IGSF21: variants seen among roughly 807,000 people sequenced by gnomAD.
IGSF21 encodes the protein immunoglobulin superfamily member 21.
In IGSF21, 28 loss-of-function variants were observed where a neutral mutation model predicts 46.8. The observed-to-expected ratio is 0.60, with a 90% CI of 0.44 to 0.82. The LOEUF is 0.82. Ranked by LOEUF, IGSF21 falls within the 40% of genes least tolerant of loss-of-function variation. The pLI is 0.00. For synonymous variants in IGSF21, 284 were observed against 273.6 expected, an observed-to-expected ratio of 1.04 and a Z score of -0.38; for missense variants, 624 against 665.5, an observed-to-expected ratio of 0.94 and a Z score of 0.69.
rs187570108 is a variant in IGSF21, at chr1:18,327,785, T to C, written c.306-7107T>C. The stretch of plus-strand genomic sequence containing the variant: ...AGGAGCTTTTTGGGAGAGATGAGTA[T>C]GTTCATTATCTTGATTGTGGCAATG... On this transcript the variant is annotated intron_variant, in intron 3 of 9. Transcript: ENST00000251296. Among the ~76,000 whole-genome samples the C allele has an allele frequency of 7.2e-5, 11 of 152,300 alleles. No homozygotes were observed. The East Asian group carries it at 1.9e-3, about 27-fold the overall frequency.
chr1:18,377,428 A>G lies in IGSF21; in HGVS notation c.1330A>G (p.Asn444Asp). Residue 444 changes from asparagine to aspartate, a missense_variant, in exon 9 of 10, where the codon AAT becomes GAT. Physicochemically the swap from Asn to Asp is conservative, Grantham distance 23. Transcript: ENST00000251296. ...PNIPRGTEDS[N>D]GSIGPTGARL... ...TATCCCAAGAGGAACGGAGGACTCT[A>G]ATGGTAAGTCTCTACCCTCAGGATT... 6.2e-7 allele frequency: 1 copy of G among 1,613,130 alleles called. No individual in the cohort carries two copies. The highest frequency in any genetic ancestry group is 8.5e-7 in the Non-Finnish European group (1 of 1,179,054).
chr1:18,198,997 C>G (rs1306411832), intron 1 of IGSF21, among the ~76,000 whole-genome samples: 2 of 152,018 alleles, frequency 1.3e-5, no homozygotes, highest in Non-Finnish European at 2.9e-5. Flanking sequence ...GACTCTCTGT[C>G]TTTCTCCCCT....
At chr1:18,236,485 G>A (rs2084674136) in intron 2 of IGSF21, among the ~76,000 whole-genome samples, 1 of 152,236 alleles carries the variant, frequency 6.6e-6, no homozygotes, top group Admixed American at 6.5e-5. Flanking sequence ...AGCACTCTCT[G>A]TTGGCTATGT....
chr1:18,243,763 AG>A (rs1160452577), intron 2 of IGSF21, among the ~76,000 whole-genome samples: 1 of 152,178 alleles, frequency 6.6e-6, no homozygotes, highest in Non-Finnish European at 1.5e-5. Context: ...CACGATGTGC[AG>A]GCCCTTGTGT....
intron 2 of IGSF21, among the ~76,000 whole-genome samples, chr1:18,237,533 G>T (rs908704704): frequency 1.3e-5 from 2 of 152,170 alleles, no homozygotes; most frequent in African/African-American, 2.4e-5. Context: ...GGGGAAATAG[G>T]CTTCACATAT....
chr1:18,151,854 G>A (rs922658569), intron 1 of IGSF21, among the ~76,000 whole-genome samples: 5 of 152,132 alleles, frequency 3.3e-5, no homozygotes, highest in African/African-American at 4.8e-5. Flanking sequence ...GTGGGTGACC[G>A]TATAATTCAT....
intron 1 of IGSF21, among the ~76,000 whole-genome samples, chr1:18,133,174 C>G (rs1044121884): frequency 6.6e-6 from 1 of 152,196 alleles, no homozygotes; most frequent in Non-Finnish European, 1.5e-5. Context: ...CTGGATTTGG[C>G]TTCAAGATAC....
intron 4 of IGSF21, among the ~76,000 whole-genome samples, chr1:18,336,789 G>A (rs1569835328): frequency 1.3e-5 from 2 of 152,204 alleles, no homozygotes; most frequent in South Asian, 4.2e-4. Context: ...CCCAAGACTG[G>A]GCAATTTGCA....
chr1:18,303,516 T>G (rs61499256), intron 3 of IGSF21, among the ~76,000 whole-genome samples: 3,284 of 152,198 alleles, frequency 0.022, 105 homozygotes, highest in African/African-American at 0.074. Flanking sequence ...AGACAGCATC[T>G]TCACCCAGAA....
At chr1:18,274,746 C>T (rs1188969445) in intron 2 of IGSF21, among the ~76,000 whole-genome samples, 2 of 152,224 alleles carry the variant, frequency 1.3e-5, no homozygotes, top group Admixed American at 6.5e-5. Context: ...CACCTAATGA[C>T]TGGGCATGGT....
intron 2 of IGSF21, among the ~76,000 whole-genome samples, chr1:18,241,167 G>T (rs1430646855): frequency 3.3e-5 from 5 of 152,194 alleles, no homozygotes; most frequent in Non-Finnish European, 7.4e-5. Flanking sequence ...ATAGGGTTCA[G>T]AAGTCCACTC....
chr1:18,206,824 T>A (rs2124486945), intron 1 of IGSF21, among the ~76,000 whole-genome samples: 1 of 152,358 alleles, frequency 6.6e-6, no homozygotes, highest in South Asian at 2.1e-4. Context: ...ATCTGCTTGA[T>A]GCTTCAGAGG....
In IGSF21 at chr1:18,290,326, G is replaced by C. The variant is rs560504045; in HGVS notation, c.184-1540G>C. ...CGCCAAGCCCTCAGAGGGGAAGAAAGTGACGCGTGTACATGTCGCTAAGTC... is the reference window on the plus strand; with the variant it reads ...CGCCAAGCCCTCAGAGGGGAAGAAACTGACGCGTGTACATGTCGCTAAGTC... On this transcript the variant is annotated intron_variant, in intron 2 of 9. Coordinates refer to ENST00000251296, the MANE Select transcript of IGSF21 (RefSeq NM_032880.5). The surrounding 1 kb of genome is among the most constrained non-coding windows in gnomAD (Gnocchi z 4.2). Among the ~76,000 whole-genome samples, 138 of 152,330 alleles carry C rather than the reference G, an allele frequency of 9.1e-4. No homozygotes were observed. The highest frequency in any genetic ancestry group is 3.2e-3 in the African/African-American group (131 of 41,566).
At chr1:18,161,203 T>C (rs977980218) in intron 1 of IGSF21, among the ~76,000 whole-genome samples, 5 of 151,916 alleles carry the variant, frequency 3.3e-5, no homozygotes, top group African/African-American at 9.7e-5. Context: ...CTCCACAGAG[T>C]CCCTACGGGG....
chr1:18,244,851 CA>C (rs1363931589), intron 2 of IGSF21, among the ~76,000 whole-genome samples: 3 of 152,136 alleles, frequency 2.0e-5, no homozygotes, highest in Non-Finnish European at 4.4e-5. Flanking sequence ...GCCTGAGAGA[CA>C]GCATTTTTAA....
At chr1:18,117,417 C>G (rs2086197722) in intron 1 of IGSF21, among the ~76,000 whole-genome samples, 1 of 152,198 alleles carries the variant, frequency 6.6e-6, no homozygotes. Context: ...TGGGCATGGG[C>G]TTTGTAGTCT....
chr1:18,155,508 C>A (rs945211467), intron 1 of IGSF21, among the ~76,000 whole-genome samples: 19 of 152,362 alleles, frequency 1.2e-4, no homozygotes, highest in South Asian at 6.2e-4. Flanking sequence ...AAAGGGGTCC[C>A]ACCCAGGCTG....
intron 1 of IGSF21, among the ~76,000 whole-genome samples, chr1:18,132,253 CTATGACA>C (rs1209389384): frequency 6.6e-6 from 1 of 152,110 alleles, no homozygotes; most frequent in Non-Finnish European, 1.5e-5. Flanking sequence ...GACCTATGAC[CTATGACA>C]AACACACTGA....
chr1:18,187,028 C>T (rs1173502882), intron 1 of IGSF21, among the ~76,000 whole-genome samples: 2 of 152,146 alleles, frequency 1.3e-5, no homozygotes, highest in Non-Finnish European at 1.5e-5. Context: ...TAAAGGCAAG[C>T]TCGGGCTGCT....
Sources: gnomAD v4.1 joint callset for allele counts (sites outside exome capture counted in the v4.1 genomes callset) on GRCh38, gnomAD v4.1.1 for gene constraint, Gnocchi (gnomAD v3.1) non-coding constraint, MANE v1.5 for transcripts, NCBI Gene and HGNC (gene_info 2026-07-23, HGNC 2026-07-21) for gene names.